AGMO: variants seen among roughly 807,000 people sequenced by gnomAD.
The protein encoded by AGMO is alkylglycerol monooxygenase.
Under a neutral mutation model 60.2 loss-of-function variants are expected in AGMO, and 75 were observed. The ratio of observed to expected loss-of-function variants is 1.25; its 90% CI spans 1.03 to 1.51. The LOEUF is 1.51. Among genes scored for constraint, AGMO ranks in the 40% most tolerant of loss-of-function variants. The probability of loss-of-function intolerance (pLI) is 0.00; values close to 1 mark genes in which losing one functional copy is unlikely to be tolerated. For missense variants in AGMO, 763 were observed against 525.5 expected (o/e 1.45, Z -4.42); for synonymous variants, 261 against 177.1 (o/e 1.47, Z -3.76).
At chr7:15,485,833 T>C (rs757865447) in intron 3 of AGMO, among the ~76,000 whole-genome samples, 9 of 152,042 alleles carry the variant, frequency 5.9e-5, no homozygotes, top group Non-Finnish European at 1.3e-4. Flanking sequence ...GAAGCATTTT[T>C]TCTTTCCCTA....
At chr7:15,310,897 C>G (rs1337440778) in intron 12 of AGMO, among the ~76,000 whole-genome samples, 1 of 152,156 alleles carries the variant, frequency 6.6e-6, no homozygotes, top group Non-Finnish European at 1.5e-5. Flanking sequence ...TTCTTTGGCT[C>G]ATGGCCCTCT....
chr7:15,257,482 A>G (rs948077909), intron 12 of AGMO, among the ~76,000 whole-genome samples: 2 of 152,178 alleles, frequency 1.3e-5, no homozygotes, highest in Non-Finnish European at 2.9e-5. Context: ...TAAAGAAGCA[A>G]ATTTAAGTGA....
rs1002716208 is a variant in AGMO at position 15,378,658 on chromosome 7, T to C, written c.1074+6788A>G. 4.2e-4 allele frequency among the ~76,000 whole-genome samples: 63 copies of C among 151,770 alleles called. 1 individual carries two copies. Among genetic ancestry groups the C allele is most frequent in the African/African-American group, 1.5e-3 (60 of 41,298 alleles). On this transcript the variant is annotated intron_variant, in intron 10 of 12. Transcript: ENST00000342526. ...TCCAGACAGAGAATTAACAAAGATATGCAGCACCTGAACTCAGCACTAGAC... is the reference window on the plus strand; with the variant it reads ...TCCAGACAGAGAATTAACAAAGATACGCAGCACCTGAACTCAGCACTAGAC...
At chr7:15,559,251 G>C (rs910175241) in intron 2 of AGMO, among the ~76,000 whole-genome samples, 4 of 152,076 alleles carry the variant, frequency 2.6e-5, no homozygotes, top group African/African-American at 9.7e-5. Flanking sequence ...AAACTATTAA[G>C]AACATACACC....
chr7:15,300,971 TTAAA>T (rs1314060902), intron 12 of AGMO, among the ~76,000 whole-genome samples: 2 of 152,258 alleles, frequency 1.3e-5, no homozygotes, highest in Non-Finnish European at 2.9e-5. Flanking sequence ...TGTCTCTCTC[TTAAA>T]TAGACACACA....
intron 9 of AGMO, 55 bp from the exon 10 acceptor site, chr7:15,385,617 G>A (rs1011241374): frequency 2.1e-6 from 2 of 970,218 alleles, no homozygotes; most frequent in Non-Finnish European, 1.6e-6. Flanking sequence ...TTTTCTTACT[G>A]AAATTCACAC....
the AGMO span, among the ~76,000 whole-genome samples, chr7:15,155,328 G>T: frequency 6.9e-6 from 1 of 145,902 alleles, no homozygotes. Flanking sequence ...ATCTGCCTAT[G>T]TTGATTCGAA....
At chr7:15,313,627 T>C (rs1583395385) in intron 12 of AGMO, among the ~76,000 whole-genome samples, 1 of 152,066 alleles carries the variant, frequency 6.6e-6, no homozygotes, top group East Asian at 1.9e-4. Context: ...TAAGAGGAGA[T>C]AGAGTAAACT....
At chr7:15,356,798 A>T (rs993195659) in intron 12 of AGMO, among the ~76,000 whole-genome samples, 2 of 151,912 alleles carry the variant, frequency 1.3e-5, no homozygotes. Flanking sequence ...ATAAATGCAA[A>T]CTTTGTACAC....
At chr7:15,214,442 T>C (rs991725131) in intron 12 of AGMO, among the ~76,000 whole-genome samples, 2 of 151,968 alleles carry the variant, frequency 1.3e-5, no homozygotes, top group Non-Finnish European at 2.9e-5. Flanking sequence ...ATCCCTTCAA[T>C]AACCCCTAAA....
chr7:15,332,053 G>A (rs766804219), intron 12 of AGMO, among the ~76,000 whole-genome samples: 5 of 152,100 alleles, frequency 3.3e-5, no homozygotes, highest in African/African-American at 7.2e-5. Flanking sequence ...AAATGGAGAC[G>A]AGTGAAATCA....
At chr7:15,373,740 G>C (rs891589549) in intron 10 of AGMO, among the ~76,000 whole-genome samples, 1 of 152,024 alleles carries the variant, frequency 6.6e-6, no homozygotes. Context: ...AAGATGATTT[G>C]ATAATATTTT....
chr7:15,322,715 A>AAAT (rs1781203720), intron 12 of AGMO, among the ~76,000 whole-genome samples: 3 of 47,440 alleles, frequency 6.3e-5, no homozygotes, highest in African/African-American at 2.2e-4. Flanking sequence ...AATATATATA[A>AAAT]ATATATAAAT....
At chr7:15,370,428 G>A (rs1562465140) in intron 10 of AGMO, among the ~76,000 whole-genome samples, 3 of 152,192 alleles carry the variant, frequency 2.0e-5, no homozygotes, top group South Asian at 4.1e-4. Flanking sequence ...TGGGACTGCT[G>A]TGTCAAATGG....
intron 12 of AGMO, among the ~76,000 whole-genome samples, chr7:15,331,824 G>A (rs1781505355): frequency 1.3e-5 from 2 of 151,970 alleles, no homozygotes; most frequent in Admixed American, 6.6e-5. Context: ...TACTCAGGAG[G>A]CTGAGGCAAG....
intron 3 of AGMO, among the ~76,000 whole-genome samples, chr7:15,453,407 A>C (rs1028420929): frequency 6.6e-6 from 1 of 152,202 alleles, no homozygotes. Flanking sequence ...CTTGCCTTTG[A>C]AACAACTTCA....
At chr7:15,142,846 C>T in the AGMO span, among the ~76,000 whole-genome samples, 1 of 152,014 alleles carries the variant, frequency 6.6e-6, no homozygotes, top group Non-Finnish European at 1.5e-5. Context: ...ATTGAATGTC[C>T]GATATGTATT....
chr7:15,394,097 A>C lies in AGMO; in HGVS notation c.676+16T>G. 6.3e-7 allele frequency: 1 copy of C among 1,592,172 alleles called. No individual in the cohort carries two copies. Among genetic ancestry groups the C allele is most frequent in the African/African-American group, 1.3e-5 (1 of 74,322 alleles). On this transcript the variant is annotated intron_variant, in intron 6 of 12. Transcript: ENST00000342526. ...AGAGAAATGAAGAAAAGAGAGAAGA[A>C]ACAAAACTTCCTTACCATGATGAAC...
the AGMO span, among the ~76,000 whole-genome samples, chr7:15,148,040 G>C: frequency 2.0e-5 from 3 of 152,026 alleles, no homozygotes; most frequent in Non-Finnish European, 4.4e-5. Context: ...GTGGTAAAGT[G>C]TATTAGAAGG....
Sources: gnomAD v4.1 joint callset for allele counts (sites outside exome capture counted in the v4.1 genomes callset) on GRCh38, gnomAD v4.1.1 for gene constraint, MANE v1.5 for transcripts, NCBI Gene and HGNC (gene_info 2026-07-23, HGNC 2026-07-21) for gene names.